Variants in GNB4 observed in about 807,000 individuals in gnomAD.
GNB4 encodes G protein subunit beta 4.
A neutral mutation model predicts 45.2 loss-of-function variants in GNB4; 28 were observed. The observed-to-expected ratio is 0.62, with a 90% CI of 0.46 to 0.85. GNB4 has a LOEUF of 0.85. Ranked by LOEUF, GNB4 falls within the 40% of genes least tolerant of loss-of-function variation. GNB4 has a pLI of 0.00. For missense variants in GNB4, 321 were observed against 425.4 expected, an observed-to-expected ratio of 0.75 and a Z score of 2.16; for synonymous variants, 132 against 143.7, an observed-to-expected ratio of 0.92 and a Z score of 0.58.
intron 1 of GNB4, among the ~76,000 whole-genome samples, chr3:179,449,473 C>T (rs191677495): frequency 1.3e-5 from 2 of 152,320 alleles, no homozygotes. Flanking sequence ...TTGAGGGTCA[C>T]TCCTCATGCC....
chr3:179,422,396 G>A (rs1715007437), intron 2 of GNB4, among the ~76,000 whole-genome samples: 1 of 151,874 alleles, frequency 6.6e-6, no homozygotes, highest in African/African-American at 2.4e-5. Flanking sequence ...GGAGGCCGAG[G>A]AGGAAGGATC....
At chr3:179,509,168 T>TATACACACACAC in the GNB4 span, among the ~76,000 whole-genome samples, 4 of 146,900 alleles carry the variant, frequency 2.7e-5, no homozygotes, top group African/African-American at 1.0e-4. Context: ...TATATATACA[T>TATACACACACAC]ACACACACAC....
the GNB4 span, among the ~76,000 whole-genome samples, chr3:179,466,028 TGAG>T: frequency 1.0e-5 from 1 of 97,178 alleles, no homozygotes; most frequent in Non-Finnish European, 2.1e-5. Context: ...TTTTTTTTTT[TGAG>T]ATTGAGTCTC....
chr3:179,431,159 T>G lies in GNB4; in HGVS notation c.-42-4917A>C, dbSNP rs114184625. 5.3e-3 allele frequency among the ~76,000 whole-genome samples: 804 copies of G among 152,298 alleles called. 10 individuals are homozygous for G. Among genetic ancestry groups the G allele is most frequent in the African/African-American group, 0.019 (783 of 41,564 alleles). On this transcript the variant is annotated intron_variant, in intron 1 of 9. Transcript: ENST00000232564. ...CTGATTTGTGCAAATCCAGATCCAA[T>G]TAAGAACTATATAATACATTTAGCT...
intron 9 of GNB4, among the ~76,000 whole-genome samples, chr3:179,404,775 AGAG>A (rs1714414423): frequency 6.6e-6 from 1 of 152,210 alleles, no homozygotes; most frequent in East Asian, 1.9e-4. Context: ...TAGAAGCTGC[AGAG>A]GAGGACTCAG....
the GNB4 span, among the ~76,000 whole-genome samples, chr3:179,470,455 T>C: frequency 6.7e-6 from 1 of 149,608 alleles, no homozygotes; most frequent in Non-Finnish European, 1.5e-5. Flanking sequence ...TTAACAAAAA[T>C]TTACAAAGTT....
At position 179,410,451 on chromosome 3, in the gene GNB4, T is replaced by A. The variant is rs761298084; in HGVS notation, c.699+2961A>T. The A allele has an allele frequency of 2.0e-5, 3 of 152,106 alleles. No individual in the cohort carries two copies. The East Asian group carries it at 5.8e-4, about 29-fold the overall frequency. 9.4% of individuals were successfully genotyped at this position (152,106 alleles called of 1,614,324 possible). A position where few individuals can be genotyped will look rare whatever the true frequency, so the allele number is the denominator to read the frequency against. ...ACAAAAGGAATGTATTGTCTCACAG[T>A]TCTGGAGGCTAGAAACTTGAAACCA... On this transcript the variant is annotated intron_variant, in intron 8 of 9. Coordinates refer to ENST00000232564, the MANE Select transcript of GNB4 (RefSeq NM_021629.4).
intron 9 of GNB4, among the ~76,000 whole-genome samples, chr3:179,403,852 CAAA>C (rs934691623): frequency 1.3e-5 from 2 of 150,042 alleles, no homozygotes; most frequent in Non-Finnish European, 3.0e-5. Context: ...TCTTAAAAAA[CAAA>C]AAAAGTCAAA....
intron 4 of GNB4, among the ~76,000 whole-genome samples, chr3:179,417,155 G>T (rs1267097619): frequency 6.6e-6 from 1 of 152,158 alleles, no homozygotes; most frequent in East Asian, 1.9e-4. Context: ...AATGAGTCTT[G>T]AAAGAAAATG....
the GNB4 span, among the ~76,000 whole-genome samples, chr3:179,491,951 G>A: frequency 6.6e-6 from 1 of 151,978 alleles, no homozygotes; most frequent in African/African-American, 2.4e-5. Context: ...CATGGAAACA[G>A]CAAAAATAAC....
At chr3:179,503,442 C>T in the GNB4 span, among the ~76,000 whole-genome samples, 9 of 152,054 alleles carry the variant, frequency 5.9e-5, no homozygotes, top group Admixed American at 2.6e-4. Context: ...TAAACTTTCA[C>T]GATAAAATAT....
the GNB4 span, among the ~76,000 whole-genome samples, chr3:179,511,759 A>C: frequency 6.6e-6 from 1 of 152,182 alleles, no homozygotes; most frequent in African/African-American, 2.4e-5. Flanking sequence ...AAAAGAGGCT[A>C]GGATAGGACC....
At chr3:179,471,125 G>A in the GNB4 span, among the ~76,000 whole-genome samples, 3 of 150,812 alleles carry the variant, frequency 2.0e-5, no homozygotes, top group East Asian at 5.9e-4. Context: ...CTTGCAGTGA[G>A]TTGAGATCGC....
upstream of GNB4, among the ~76,000 whole-genome samples, chr3:179,453,306 G>A (rs1455433503): frequency 6.6e-6 from 1 of 152,126 alleles, no homozygotes; most frequent in Non-Finnish European, 1.5e-5. Context: ...ATTTTTAGTA[G>A]ACACGGGGTT....
the GNB4 span, among the ~76,000 whole-genome samples, chr3:179,516,740 G>A: frequency 6.6e-6 from 1 of 152,276 alleles, no homozygotes; most frequent in East Asian, 1.9e-4. Context: ...AGAACCATTC[G>A]CCTTGTGTGG....
rs138396123 is a variant in GNB4, at chr3:179,406,131, T to C, written c.700-725A>G. ...TCTCATCTTATAGTTTTTGCTCCAA[T>C]TCTACTTCGGTTAATAGTAATATAG... On this transcript the variant is annotated intron_variant, in intron 8 of 9. Coordinates refer to ENST00000232564, the MANE Select transcript of GNB4 (RefSeq NM_021629.4). 1.5e-3 allele frequency among the ~76,000 whole-genome samples: 234 copies of C among 152,306 alleles called. 1 individual carries two copies. The highest frequency in any genetic ancestry group is 5.4e-3 in the African/African-American group (225 of 41,576).
chr3:179,412,469 C>A (rs186527034), intron 8 of GNB4, among the ~76,000 whole-genome samples: 192 of 152,138 alleles, frequency 1.3e-3, no homozygotes, highest in African/African-American at 4.4e-3. Flanking sequence ...CGGAATGAGA[C>A]CCTGTCTCTA....
At chr3:179,500,551 G>A in the GNB4 span, among the ~76,000 whole-genome samples, 1 of 152,204 alleles carries the variant, frequency 6.6e-6, no homozygotes, top group East Asian at 1.9e-4. Flanking sequence ...GCTTAGGATT[G>A]TCTTGGCTAT....
chr3:179,420,553 C>T (rs1406266042), intron 3 of GNB4, among the ~76,000 whole-genome samples: 2 of 151,636 alleles, frequency 1.3e-5, no homozygotes, highest in African/African-American at 4.8e-5. Context: ...ACCTCTGCCT[C>T]CTGGGTTCAA....
Sources: gnomAD v4.1 joint callset for allele counts (sites outside exome capture counted in the v4.1 genomes callset) on GRCh38, gnomAD v4.1.1 for gene constraint, MANE v1.5 for transcripts, NCBI Gene and HGNC (gene_info 2026-07-23, HGNC 2026-07-21) for gene names.